Variants in SLC25A40 observed in about 807,000 individuals in gnomAD.
SLC25A40 encodes mitochondrial glutathione transporter SLC25A40.
In SLC25A40, 41 loss-of-function variants were observed where a neutral mutation model predicts 46.5. That is an observed-to-expected ratio of 0.88 (90% CI 0.69 to 1.14). SLC25A40 has a LOEUF of 1.14. Among genes scored for constraint, SLC25A40 ranks in the 50% most tolerant of loss-of-function variants. The pLI, the probability that SLC25A40 is intolerant of heterozygous loss-of-function variation, is 0.00. For synonymous variants in SLC25A40, 126 were observed against 127.5 expected (o/e 0.99, Z 0.08); for missense variants, 386 against 393.6 (o/e 0.98, Z 0.16).
At chr7:87,867,625 T>A (rs541206802) in intron 1 of SLC25A40, among the ~76,000 whole-genome samples, 124 of 152,324 alleles carry the variant, frequency 8.1e-4, no homozygotes, top group African/African-American at 2.9e-3. Flanking sequence ...GAGGTCACTG[T>A]TCCCTATTTG....
intron 1 of SLC25A40, among the ~76,000 whole-genome samples, chr7:87,869,283 TG>T (rs568452769): frequency 6.6e-6 from 1 of 152,096 alleles, no homozygotes; most frequent in Non-Finnish European, 1.5e-5. Context: ...CCTAGCACTT[TG>T]GGGGGCCGAG....
At chr7:87,849,069 G>A (rs1838466901) in intron 6 of SLC25A40, among the ~76,000 whole-genome samples, 1 of 152,050 alleles carries the variant, frequency 6.6e-6, no homozygotes, top group Non-Finnish European at 1.5e-5. Flanking sequence ...TAATCGCCAG[G>A]CAGTAGACAA....
chr7:87,862,731 A>G (rs577446760), intron 1 of SLC25A40, among the ~76,000 whole-genome samples: 1 of 152,218 alleles, frequency 6.6e-6, no homozygotes, highest in Non-Finnish European at 1.5e-5. Flanking sequence ...TTAACAAATA[A>G]AAGTGTTTTA....
At chr7:87,844,002 A>G in intron 8 of SLC25A40, 139 bp from the exon 9 acceptor site, 2 of 1,320,192 alleles carry the variant, frequency 1.5e-6, no homozygotes, top group Non-Finnish European at 1.9e-6. Flanking sequence ...GACACCCACT[A>G]GGGTGGGATT....
intron 1 of SLC25A40, among the ~76,000 whole-genome samples, chr7:87,869,536 C>CAA (rs57979424): frequency 1.3e-4 from 18 of 135,962 alleles, no homozygotes; most frequent in East Asian, 6.4e-4. Flanking sequence ...GACCCTGTTC[C>CAA]AAAAAAAAAA....
At chr7:87,843,457 A>G (rs1008376128) in intron 9 of SLC25A40, among the ~76,000 whole-genome samples, 1 of 152,102 alleles carries the variant, frequency 6.6e-6, no homozygotes, top group Non-Finnish European at 1.5e-5. Context: ...TTATTGAATT[A>G]ATGTATTACA....
rs1838550105 is a variant in SLC25A40 at position 87,853,377 on chromosome 7, G to GA, written c.264+826dup. Among the ~76,000 whole-genome samples, 3 of 152,330 alleles carry GA rather than the reference G, an allele frequency of 2.0e-5. No individual in the cohort carries two copies. The South Asian group carries it at 6.2e-4, about 32-fold the overall frequency. ...ATTGGATCAGTCACACAGTGCTAAT[G>GA]AAAATGTAAAATGGTAGAACCAGTG... On this transcript the variant is annotated intron_variant, in intron 5 of 11. Coordinates refer to ENST00000341119, the MANE Select transcript of SLC25A40 (RefSeq NM_018843.4).
intron 1 of SLC25A40, among the ~76,000 whole-genome samples, chr7:87,864,890 T>C (rs1479826120): frequency 6.6e-6 from 1 of 152,186 alleles, no homozygotes; most frequent in Non-Finnish European, 1.5e-5. Flanking sequence ...CCTCTTCTTT[T>C]CTTCCATTCT....
chr7:87,855,703 C>A (rs764160352), intron 4 of SLC25A40, among the ~76,000 whole-genome samples: 31 of 152,186 alleles, frequency 2.0e-4, no homozygotes, highest in Non-Finnish European at 3.5e-4. Context: ...CTGAATTCAA[C>A]ACAGTGGCTT....
chr7:87,869,832 G>A (rs1838868408), intron 1 of SLC25A40, among the ~76,000 whole-genome samples: 2 of 152,084 alleles, frequency 1.3e-5, no homozygotes, highest in African/African-American at 4.8e-5. Flanking sequence ...AGAATAGCTG[G>A]ATCAAATGGT....
Position 87,833,579 on chromosome 7 carries a change from A to ATATCT in SLC25A40, c.*2665_*2669dup, listed in dbSNP as rs1838217260. 2 of 151,928 alleles carry ATATCT rather than the reference A, an allele frequency of 1.3e-5. No individual in the cohort carries two copies. Among genetic ancestry groups the ATATCT allele is most frequent in the Non-Finnish European group, 2.9e-5 (2 of 67,964 alleles). 9.4% of individuals were successfully genotyped at this position (151,928 alleles called of 1,614,324 possible). On this transcript the variant is annotated 3_prime_UTR_variant, in exon 12 of 12. Coordinates refer to ENST00000341119, the MANE Select transcript of SLC25A40 (RefSeq NM_018843.4). ...TGACAGATTAAATATAAAAGCAGTA[A>ATATCT]TATCTTTTATTTAAAAAGTTCATCT...
chr7:87,838,745 T>C (rs1039350991), intron 10 of SLC25A40, among the ~76,000 whole-genome samples: 6 of 151,590 alleles, frequency 4.0e-5, no homozygotes, highest in Admixed American at 1.3e-4. Context: ...CTTCTTTGTA[T>C]ACATCTGGAA....
At position 87,847,214 on chromosome 7, in the gene SLC25A40, A is replaced by G. The variant is rs976879156; in HGVS notation, c.458-92T>C. ...GTAAAAATTAATATTCACAGATTTT[A>G]TATTTTAAACTTTTAGTCTATAATG... On this transcript the variant is annotated intron_variant, in intron 7 of 11. Coordinates refer to ENST00000341119, the MANE Select transcript of SLC25A40 (RefSeq NM_018843.4). The G allele has an allele frequency of 3.9e-6, 4 of 1,020,804 alleles. No individual in the cohort carries two copies. In the Admixed American group the frequency reaches 1.2e-4, roughly 31 times the overall value. The allele number at this position is 1,020,804 out of a possible 1,614,324, so 63.2% of individuals were successfully genotyped here. A position where few individuals can be genotyped will look rare whatever the true frequency, so the allele number is the denominator to read the frequency against.
intron 1 of SLC25A40, among the ~76,000 whole-genome samples, chr7:87,868,362 T>A (rs1001465452): frequency 1.3e-5 from 2 of 151,706 alleles, no homozygotes; most frequent in African/African-American, 4.8e-5. Context: ...GGGTGAGGAG[T>A]TCCCCCTACC....
chr7:87,854,902 C>G (rs1838583644), intron 4 of SLC25A40, among the ~76,000 whole-genome samples: 1 of 148,306 alleles, frequency 6.7e-6, no homozygotes, highest in Non-Finnish European at 1.5e-5. Flanking sequence ...GTGGCTCATG[C>G]CTGTAATCCC....
intron 4 of SLC25A40, among the ~76,000 whole-genome samples, chr7:87,854,976 A>G (rs1838584941): frequency 6.6e-6 from 1 of 152,050 alleles, no homozygotes; most frequent in Non-Finnish European, 1.5e-5. Flanking sequence ...CCTGGGCTAC[A>G]CAGTGAGCCT....
rs1838250620 is a variant in SLC25A40, at chr7:87,835,784, T to C, written c.*465A>G. 6.6e-6 allele frequency: 1 copy of C among 152,146 alleles called. No homozygotes were observed. Among genetic ancestry groups the C allele is most frequent in the Non-Finnish European group, 1.5e-5 (1 of 68,104 alleles). 9.4% of individuals were successfully genotyped at this position (152,146 alleles called of 1,614,324 possible). A position where few individuals can be genotyped will look rare whatever the true frequency, so the allele number is the denominator to read the frequency against. ...GGCAATATTTGGTCGATGTAAACAA[T>C]GCTATTTAACGAGTGCTTTATCTAC... On this transcript the variant is annotated 3_prime_UTR_variant, in exon 12 of 12. Coordinates refer to ENST00000341119, the MANE Select transcript of SLC25A40 (RefSeq NM_018843.4).
At position 87,834,886 on chromosome 7, in the gene SLC25A40, A is replaced by G. The variant is rs1410066381; in HGVS notation, c.*1363T>C. ...TGTTGCAAATTTAAGGTAAATCAAC[A>G]TAGGATAAACACAGAAGATTACATA... On this transcript the variant is annotated 3_prime_UTR_variant, in exon 12 of 12. Transcript: ENST00000341119. 1.3e-5 allele frequency: 2 copies of G among 151,644 alleles called. No homozygotes were observed. Among genetic ancestry groups the G allele is most frequent in the Admixed American group, 1.3e-4 (2 of 15,164 alleles). The allele number at this position is 151,644 out of a possible 1,614,324, so 9.4% of individuals were successfully genotyped here.
chr7:87,872,261 A>G (rs1838906987), intron 1 of SLC25A40, among the ~76,000 whole-genome samples: 1 of 152,250 alleles, frequency 6.6e-6, no homozygotes, highest in Non-Finnish European at 1.5e-5. Flanking sequence ...ATGCAGCTAA[A>G]GCAGCATTTA....
Sources: allele counts gnomAD v4.1 joint callset (sites outside exome capture counted in the v4.1 genomes callset), GRCh38; gene constraint gnomAD v4.1.1; transcripts MANE v1.5; gene names NCBI Gene and HGNC (gene_info 2026-07-23, HGNC 2026-07-21).